Variants in UNC13C observed in about 807,000 individuals in gnomAD.
UNC13C encodes the protein unc-13 homolog C.
In UNC13C, 174 loss-of-function variants were observed where a neutral mutation model predicts 245.4. The ratio of observed to expected loss-of-function variants is 0.71; its 90% CI spans 0.63 to 0.80. The LOEUF is 0.80. Among genes scored for constraint, UNC13C ranks in the 30% least tolerant of loss-of-function variants. The pLI, the probability that UNC13C is intolerant of heterozygous loss-of-function variation, is 0.00. For missense variants in UNC13C, 2,829 were observed against 2,602.9 expected (o/e 1.09, Z -1.89); for synonymous variants, 992 against 895.1 (o/e 1.11, Z -1.93).
rs199861324 is a variant in UNC13C, at chr15:54,013,272, C to T, written c.369C>T (p.Ile123=). The T allele has an allele frequency of 1.9e-5, 31 of 1,613,516 alleles. No individual in the cohort carries two copies. Among genetic ancestry groups the T allele is most frequent in the Non-Finnish European group, 2.3e-5 (27 of 1,179,774 alleles). ...NEDLLQELSS[I]ESSYSESLNE... is the part of the protein sequence containing the mutation. ...ATCTGCTTCAAGAGCTCTCTTCAAT[C>T]GAGAGTTCCTACTCAGAATCATTAA... The change falls in exon 2 of 33, where the codon ATC becomes ATT. Residue 123 remains isoleucine, a synonymous_variant. Coordinates refer to ENST00000260323, the MANE Select transcript of UNC13C (RefSeq NM_001080534.3).
the UNC13C span, among the ~76,000 whole-genome samples, chr15:53,930,097 G>T: frequency 2.0e-5 from 3 of 152,114 alleles, no homozygotes; most frequent in African/African-American, 7.3e-5. Context: ...AAGCATGCAA[G>T]GTGGCCTTTC....
At chr15:54,364,757 T>C (rs1303308319) in intron 17 of UNC13C, among the ~76,000 whole-genome samples, 1 of 152,192 alleles carries the variant, frequency 6.6e-6, no homozygotes, top group Non-Finnish European at 1.5e-5. Context: ...ATGAACCTTA[T>C]TCAATGTAAT....
chr15:54,038,099 C>CATATATAT (rs1399556197), intron 2 of UNC13C, among the ~76,000 whole-genome samples: 10 of 67,176 alleles, frequency 1.5e-4, no homozygotes, highest in South Asian at 1.3e-3. Flanking sequence ...TATACATATA[C>CATATATAT]ATATATATAT....
chr15:54,247,669 A>C (rs2036030834), intron 7 of UNC13C, among the ~76,000 whole-genome samples: 1 of 152,070 alleles, frequency 6.6e-6, no homozygotes, highest in South Asian at 2.1e-4. Context: ...TAATGTTTTA[A>C]TGTTTTTCTC....
At chr15:54,204,373 A>T (rs1362592048) in intron 4 of UNC13C, among the ~76,000 whole-genome samples, 2 of 151,522 alleles carry the variant, frequency 1.3e-5, no homozygotes, top group Non-Finnish European at 2.9e-5. Context: ...GATAAATATA[A>T]TTCAATAAAA....
At chr15:54,249,807 T>C (rs74013551) in intron 7 of UNC13C, among the ~76,000 whole-genome samples, 3,849 of 152,234 alleles carry the variant, frequency 0.025, 159 homozygotes, top group African/African-American at 0.088. Flanking sequence ...ATTACAGAAG[T>C]ATTCCTTGGG....
the UNC13C span, among the ~76,000 whole-genome samples, chr15:53,886,802 A>G: frequency 1.3e-5 from 2 of 152,298 alleles, no homozygotes; most frequent in South Asian, 2.1e-4. Flanking sequence ...TTGTTATGAC[A>G]TCATGAAATT....
chr15:54,448,026 T>G (rs2040680536), intron 19 of UNC13C, among the ~76,000 whole-genome samples: 1 of 152,208 alleles, frequency 6.6e-6, no homozygotes, highest in South Asian at 2.1e-4. Context: ...TTCATTTCGT[T>G]ATGTACCCAG....
chr15:53,938,606 G>T, the UNC13C span, among the ~76,000 whole-genome samples: 2 of 152,084 alleles, frequency 1.3e-5, no homozygotes, highest in Non-Finnish European at 2.9e-5. Context: ...CACATAATAA[G>T]AAGTAAAACA....
chr15:54,169,218 A>G (rs1004012687), intron 4 of UNC13C, among the ~76,000 whole-genome samples: 3 of 152,200 alleles, frequency 2.0e-5, no homozygotes, highest in Non-Finnish European at 2.9e-5. Context: ...GAATTACTAT[A>G]GCTGTTTAAA....
At chr15:54,151,515 G>A (rs1034155451) in intron 4 of UNC13C, among the ~76,000 whole-genome samples, 8 of 152,094 alleles carry the variant, frequency 5.3e-5, no homozygotes, top group Middle Eastern at 3.4e-3. Flanking sequence ...TGATTCTCTC[G>A]CCTCAGCCTC....
chr15:54,331,408 A>G (rs2038432174), intron 14 of UNC13C, among the ~76,000 whole-genome samples: 1 of 152,074 alleles, frequency 6.6e-6, no homozygotes, highest in African/African-American at 2.4e-5. Context: ...ACAGTTCAAC[A>G]CTGATACTGC....
chr15:53,884,338 C>T, the UNC13C span, among the ~76,000 whole-genome samples: 1 of 152,034 alleles, frequency 6.6e-6, no homozygotes, highest in Non-Finnish European at 1.5e-5. Context: ...TCACTCTTTC[C>T]CCTGCCTATA....
intron 4 of UNC13C, among the ~76,000 whole-genome samples, chr15:54,159,233 G>A (rs1261039976): frequency 6.6e-6 from 1 of 152,222 alleles, no homozygotes; most frequent in South Asian, 2.1e-4. Context: ...TAAACATGCT[G>A]ATTCAATAAT....
chr15:54,303,329 A>G (rs1343037187), intron 13 of UNC13C, among the ~76,000 whole-genome samples: 1 of 152,204 alleles, frequency 6.6e-6, no homozygotes, highest in Non-Finnish European at 1.5e-5. Flanking sequence ...AGGGAAATGA[A>G]TTGTTCTGCC....
intron 2 of UNC13C, among the ~76,000 whole-genome samples, chr15:54,062,462 A>G (rs767910321): frequency 6.6e-6 from 1 of 152,112 alleles, no homozygotes; most frequent in Non-Finnish European, 1.5e-5. Context: ...AACTCTCTCA[A>G]TTCCATTTTT....
chr15:54,262,822 CA>C (rs1453303521), intron 8 of UNC13C, among the ~76,000 whole-genome samples: 2 of 151,980 alleles, frequency 1.3e-5, no homozygotes, highest in Non-Finnish European at 2.9e-5. Flanking sequence ...TATATTTTTC[CA>C]CTCTAGGAAA....
intron 8 of UNC13C, among the ~76,000 whole-genome samples, chr15:54,260,971 C>G (rs2036408763): frequency 6.6e-6 from 1 of 151,954 alleles, no homozygotes; most frequent in African/African-American, 2.4e-5. Flanking sequence ...TTAATTGTCC[C>G]ATTAAATTAC....
chr15:54,615,192 C>T (rs983922796), intron 30 of UNC13C, among the ~76,000 whole-genome samples: 27 of 151,974 alleles, frequency 1.8e-4, no homozygotes, highest in African/African-American at 6.0e-4. Flanking sequence ...TCTCCTCAAG[C>T]ATTTATCCTT....
Sources: allele counts gnomAD v4.1 joint callset (sites outside exome capture counted in the v4.1 genomes callset), GRCh38; gene constraint gnomAD v4.1.1; transcripts MANE v1.5; gene names NCBI Gene and HGNC (gene_info 2026-07-23, HGNC 2026-07-21).